The following GATA6 variants were observed in gnomAD, a reference collection of about 807,000 sequenced individuals.
GATA6 encodes the protein transcription factor GATA-6.
A neutral mutation model predicts 48.1 loss-of-function variants in GATA6; 11 were observed. The ratio of observed to expected loss-of-function variants is 0.23; its 90% CI spans 0.14 to 0.38. GATA6 has a LOEUF of 0.38. Among genes scored for constraint, GATA6 ranks in the 10% least tolerant of loss-of-function variants. The pLI, the probability that GATA6 is intolerant of heterozygous loss-of-function variation, is 1.00. For missense variants in GATA6, 795 were observed against 850.3 expected, an observed-to-expected ratio of 0.93 and a Z score of 0.81; for synonymous variants, 419 against 396.1, an observed-to-expected ratio of 1.06 and a Z score of -0.69.
In GATA6 at chr18:22,202,313, TATA is replaced by T. The variant is rs2033473037; in HGVS notation, c.*1491_*1493del. 6.6e-6 allele frequency: 1 copy of T among 152,158 alleles called. No homozygotes were observed. Among genetic ancestry groups the T allele is most frequent in the African/African-American group, 2.4e-5 (1 of 41,428 alleles). The allele number at this position is 152,158 out of a possible 1,614,324, so 9.4% of individuals were successfully genotyped here. A position where few individuals can be genotyped will look rare whatever the true frequency, so the allele number is the denominator to read the frequency against. On this transcript the variant is annotated 3_prime_UTR_variant, in exon 7 of 7. Coordinates refer to ENST00000269216, the MANE Select transcript of GATA6 (RefSeq NM_005257.6). The stretch of plus-strand genomic sequence containing the variant: ...AGATTTTTTTTCTTTGTGAATGAAA[TATA>T]TTCTGGCCCACGAACAGGGCGATTT...
chr18:22,171,653 T>A lies in GATA6; in HGVS notation c.509T>A (p.Val170Glu). 6.4e-7 allele frequency: 1 copy of A among 1,570,414 alleles called. No homozygotes were observed. The highest frequency in any genetic ancestry group is 8.6e-7 in the Non-Finnish European group (1 of 1,166,950). Residue 170 changes from valine to glutamate, a missense_variant, in exon 2 of 7, where the codon GTG becomes GAG. This residue lies in a region of GATA6 where 591 missense variants were observed against 570.0 expected (regional missense o/e 1.04). Transcript: ENST00000269216. This position sits in a 1 kb window ranked among gnomAD's most constrained non-coding sequence, Gnocchi z 7.1. ...AAYDGAPGGF[V>E]HSAAAAAAAA... ...TACGACGGCGCGCCCGGCGGCTTCG[T>A]GCACTCTGCGGCCGCGGCGGCAGCA...
At chr18:22,193,828 A>C (rs928787660) in intron 6 of GATA6, among the ~76,000 whole-genome samples, 2 of 152,188 alleles carry the variant, frequency 1.3e-5, no homozygotes, top group African/African-American at 4.8e-5. Flanking sequence ...AAATTTATGC[A>C]TGTAATCCAC....
At chr18:22,177,268 GC>G in intron 3 of GATA6, 147 bp downstream of exon 3, 1 of 709,974 alleles carries the variant, frequency 1.4e-6, no homozygotes, top group Non-Finnish European at 2.2e-6. Context: ...CGGGGACCCA[GC>G]GGTACCATCC....
intron 6 of GATA6, among the ~76,000 whole-genome samples, chr18:22,192,972 G>A (rs151261653): frequency 1.2e-4 from 18 of 152,216 alleles, no homozygotes; most frequent in East Asian, 1.2e-3. Flanking sequence ...AATTGCTTTC[G>A]TCTTCTTGAA....
chr18:22,200,202 C>T (rs58215768), intron 6 of GATA6, among the ~76,000 whole-genome samples: 4 of 127,160 alleles, frequency 3.1e-5, no homozygotes, highest in South Asian at 2.5e-4. Flanking sequence ...TGTGTGTGTG[C>T]GCGCGCACGC....
chr18:22,175,269 C>G (rs1386481154), intron 2 of GATA6, among the ~76,000 whole-genome samples: 1 of 152,004 alleles, frequency 6.6e-6, no homozygotes, highest in Non-Finnish European at 1.5e-5. Flanking sequence ...TTGTATTTAT[C>G]CAAAGTGGAC....
At position 22,171,123 on chromosome 18, in the gene GATA6, T is replaced by C. The variant is rs757420762; in HGVS notation, c.-22T>C. 1.9e-6 allele frequency: 3 copies of C among 1,597,622 alleles called. No homozygotes were observed. The highest frequency in any genetic ancestry group is 3.3e-5 in the Admixed American group (2 of 59,890). On this transcript the variant is annotated 5_prime_UTR_variant, in exon 2 of 7. Coordinates refer to ENST00000269216, the MANE Select transcript of GATA6 (RefSeq NM_005257.6). This position sits in a 1 kb window ranked among gnomAD's most constrained non-coding sequence, Gnocchi z 7.1. ...CCCACCTCAGGAGCTAGACGTCAGC[T>C]TGGAGCGGCGCCGGACCGTGGATGG...
rs751665524 is a variant in GATA6, at chr18:22,181,587, T to A, written c.1428+9T>A. 1 of 1,614,064 alleles carries A rather than the reference T, an allele frequency of 6.2e-7. No homozygotes were observed. Among genetic ancestry groups the A allele is most frequent in the Non-Finnish European group, 8.5e-7 (1 of 1,179,940 alleles). On this transcript the variant is annotated intron_variant, in intron 4 of 6. Coordinates refer to ENST00000269216, the MANE Select transcript of GATA6 (RefSeq NM_005257.6). ...ACATGAAACTCCATGGGGTATGCCA[T>A]GTATTCTGCTCACTTGTATATACAT...
chr18:22,200,597 C>G (rs972155037), intron 6 of GATA6, 59 bp from the exon 7 acceptor site: 3 of 1,605,018 alleles, frequency 1.9e-6, no homozygotes, highest in Admixed American at 1.7e-5. Flanking sequence ...ATTTCACTAC[C>G]AGGATTGTAA....
At position 22,182,711 on chromosome 18, in the gene GATA6, T is replaced by C. The variant is rs373109429; in HGVS notation, c.1429-46T>C. ...GTGCCAATGTTGGGTCTTTGGTTTT[T>C]CTTCAATATAATATTAAATTTATGG... is the stretch of plus-strand genomic sequence containing the variant. On this transcript the variant is annotated intron_variant, in intron 4 of 6. Coordinates refer to ENST00000269216, the MANE Select transcript of GATA6 (RefSeq NM_005257.6). The C allele has an allele frequency of 2.0e-4, 275 of 1,381,282 alleles. 2 individuals carry two copies. In the South Asian group the frequency reaches 3.2e-3, roughly 16 times the overall value. The allele number at this position is 1,381,282 out of a possible 1,614,324, so 85.6% of individuals were successfully genotyped here.
intron 6 of GATA6, among the ~76,000 whole-genome samples, chr18:22,186,672 C>T (rs1345521024): frequency 6.6e-6 from 1 of 152,182 alleles, no homozygotes; most frequent in Non-Finnish European, 1.5e-5. Context: ...GAGGGGGCTC[C>T]AGGGCTCCCC....
rs912620764 is a variant in GATA6 at position 22,195,303 on chromosome 18, C to T, written c.1621-5353C>T. Among the ~76,000 whole-genome samples, 8 of 152,220 alleles carry T rather than the reference C, an allele frequency of 5.3e-5. No homozygotes were observed. In the South Asian group the frequency reaches 6.2e-4, roughly 12 times the overall value. The stretch of plus-strand genomic sequence containing the variant: ...GGTGGCAGGGAGATGATTTCAGGGG[C>T]GGATGGGGGCCCTTCTGACCCGCCC... On this transcript the variant is annotated intron_variant, in intron 6 of 6. Coordinates refer to ENST00000269216, the MANE Select transcript of GATA6 (RefSeq NM_005257.6).
chr18:22,174,454 T>A (rs1159822950), intron 2 of GATA6, among the ~76,000 whole-genome samples: 1 of 152,330 alleles, frequency 6.6e-6, no homozygotes, highest in African/African-American at 2.4e-5. Context: ...ACACTTTTCC[T>A]AATTTTTTCA....
At position 22,177,031 on chromosome 18, in the gene GATA6, C is replaced by A; in HGVS notation, c.1212C>A (p.Asp404Glu). Residue 404 changes from aspartate to glutamate, a missense_variant, in exon 3 of 7, where the codon GAC (aspartate) becomes GAA (glutamate). Transcript: ENST00000269216. ...GSIQTPLWRR[D>E]GTGHYLCNAC... The stretch of plus-strand genomic sequence containing the variant: ...TCCAGACGCCGCTGTGGCGGCGGGA[C>A]GGCACCGGCCACTACCTGTGCAACG... The A allele has an allele frequency of 6.3e-7, 1 of 1,575,202 alleles. No individual in the cohort carries two copies. Among genetic ancestry groups the A allele is most frequent in the Non-Finnish European group, 8.6e-7 (1 of 1,162,674 alleles).
chr18:22,181,606 T>G (rs2033196721), intron 4 of GATA6, 28 bp downstream of exon 4: 1 of 1,613,318 alleles, frequency 6.2e-7, no homozygotes, highest in Non-Finnish European at 8.5e-7. Context: ...CTCACTTGTA[T>G]ATACATTTAG....
chr18:22,172,196 C>G lies in GATA6; in HGVS notation c.1052C>G (p.Ala351Gly). The G allele has an allele frequency of 6.5e-7, 1 of 1,534,308 alleles. No homozygotes were observed. Among genetic ancestry groups the G allele is most frequent in the African/African-American group, 1.4e-5 (1 of 73,054 alleles). ...GCGCCACTGACGCCTGCCTGGCCCG[C>G]CGGACCCTTCGAGACCCCGGTGCTG... ...VGAPLTPAWPAGPFETPVLHS... is the reference protein window; with the variant it reads ...VGAPLTPAWPGGPFETPVLHS... Residue 351 changes from alanine to glycine, a missense_variant, in exon 2 of 7, where the codon GCC (alanine) becomes GGC (glycine). Ala to Gly is a moderately conservative substitution (Grantham distance 60). Transcript: ENST00000269216. The surrounding 1 kb of genome is among the most constrained non-coding windows in gnomAD (Gnocchi z 5.2).
Position 22,178,695 on chromosome 18 carries a change from C to T in GATA6, c.1302+1574C>T, listed in dbSNP as rs1042232105. Among the ~76,000 whole-genome samples the T allele has an allele frequency of 3.3e-5, 5 of 152,256 alleles. No individual in the cohort carries two copies. In the East Asian group the frequency reaches 5.8e-4, roughly 18 times the overall value. On this transcript the variant is annotated intron_variant, in intron 3 of 6. Transcript: ENST00000269216. ...TTAATGAGTGTATGTGCCTTAAACT[C>T]GTTACAACCTCCCACAGCTTAAAAT...
intron 2 of GATA6, chr18:22,175,414 A>G (rs1029377499): frequency 6.6e-6 from 1 of 152,218 alleles, no homozygotes; most frequent in African/African-American, 2.4e-5. Context: ...CCACTCCTCT[A>G]TCCAGAGGGG....
At chr18:22,195,837 T>C (rs1159036833) in intron 6 of GATA6, among the ~76,000 whole-genome samples, 2 of 152,236 alleles carry the variant, frequency 1.3e-5, no homozygotes, top group East Asian at 3.8e-4. Context: ...TTCTAAACCG[T>C]TCCCATATTA....
Sources: allele counts gnomAD v4.1 joint callset (sites outside exome capture counted in the v4.1 genomes callset), GRCh38; gene constraint gnomAD v4.1.1; regional missense constraint gnomAD v4.1.1; non-coding constraint Gnocchi (gnomAD v3.1); transcripts MANE v1.5; gene names NCBI Gene and HGNC (gene_info 2026-07-23, HGNC 2026-07-21).